Variants in GRB10 observed in about 807,000 individuals in gnomAD.
GRB10 encodes growth factor receptor-bound protein 10.
Under a neutral mutation model 80.9 loss-of-function variants are expected in GRB10, and 20 were observed. The ratio of observed to expected loss-of-function variants is 0.25; its 90% CI spans 0.17 to 0.36. The LOEUF is 0.36. Among genes scored for constraint, GRB10 ranks in the 10% least tolerant of loss-of-function variants. The pLI, the probability that GRB10 is intolerant of heterozygous loss-of-function variation, is 1.00. For synonymous variants in GRB10, 291 were observed against 291.5 expected, an observed-to-expected ratio of 1.00 and a Z score of 0.02; for missense variants, 548 against 747.7, an observed-to-expected ratio of 0.73 and a Z score of 3.12.
intron 7 of GRB10, among the ~76,000 whole-genome samples, chr7:50,653,000 G>C (rs1404108105): frequency 6.6e-6 from 1 of 152,166 alleles, no homozygotes; most frequent in African/African-American, 2.4e-5. Context: ...GAATCTTACT[G>C]GAATACAATG....
At chr7:50,683,886 CA>C (rs2061812244) in intron 5 of GRB10, among the ~76,000 whole-genome samples, 1 of 152,014 alleles carries the variant, frequency 6.6e-6, no homozygotes, top group Non-Finnish European at 1.5e-5. Flanking sequence ...CAGGTGATGC[CA>C]AGCAGATTGG....
chr7:50,679,983 A>G lies in GRB10; in HGVS notation c.140-5325T>C, dbSNP rs1031026516. Among the ~76,000 whole-genome samples the G allele has an allele frequency of 2.0e-5, 3 of 152,240 alleles. No homozygotes were observed. In the East Asian group the frequency reaches 5.8e-4, roughly 29 times the overall value. ...TCTTCTATTCTCATGTATTCTAGTC[A>G]CATGCACTTAATTTCCCATATATAG... On this transcript the variant is annotated intron_variant, in intron 5 of 18. Coordinates refer to ENST00000401949, the MANE Select transcript of GRB10 (RefSeq NM_001350814.2).
At chr7:50,792,445 A>G in intron 1 of GRB10, 1 of 398,584 alleles carries the variant, frequency 2.5e-6, no homozygotes, top group Non-Finnish European at 4.4e-6. Flanking sequence ...AGGATACCCT[A>G]ATTTCCATAA....
intron 3 of GRB10, among the ~76,000 whole-genome samples, chr7:50,743,052 G>A (rs1027630758): frequency 1.3e-5 from 2 of 152,070 alleles, no homozygotes; most frequent in Non-Finnish European, 2.9e-5. Context: ...TAACTCTTGG[G>A]TTTTTTGGCA....
At chr7:50,627,639 G>A (rs976100921) in intron 7 of GRB10, among the ~76,000 whole-genome samples, 2 of 152,200 alleles carry the variant, frequency 1.3e-5, no homozygotes, top group Non-Finnish European at 2.9e-5. Context: ...CATGAACACC[G>A]AGCAGCTCCA....
At chr7:50,776,411 A>C (rs1228568745) in intron 2 of GRB10, among the ~76,000 whole-genome samples, 1 of 151,682 alleles carries the variant, frequency 6.6e-6, no homozygotes, top group Non-Finnish European at 1.5e-5. Context: ...AGTAGAGATA[A>C]GGTCTCATTA....
chr7:50,687,530 G>A (rs1002287881), intron 5 of GRB10, among the ~76,000 whole-genome samples: 4 of 151,892 alleles, frequency 2.6e-5, no homozygotes, highest in African/African-American at 9.7e-5. Context: ...TTGCATGCAC[G>A]CTTCCCACAT....
At chr7:50,758,183 C>T (rs572554369) in intron 2 of GRB10, among the ~76,000 whole-genome samples, 1 of 152,308 alleles carries the variant, frequency 6.6e-6, no homozygotes, top group East Asian at 1.9e-4. Context: ...AACACAACCT[C>T]TCGGCTCTGT....
chr7:50,627,389 T>A (rs186631725), intron 7 of GRB10, among the ~76,000 whole-genome samples: 1 of 152,224 alleles, frequency 6.6e-6, no homozygotes, highest in East Asian at 1.9e-4. Flanking sequence ...CCTGTAAATC[T>A]CCCTCTTCCC....
chr7:50,705,081 C>G (rs2064845708), intron 4 of GRB10: 1 of 919,590 alleles, frequency 1.1e-6, no homozygotes, highest in Non-Finnish European at 1.3e-6. Context: ...GCCCAGAGCC[C>G]TCCTTGCTCA....
In GRB10 at chr7:50,775,421, C is replaced by T. The variant is rs375616598; in HGVS notation, c.-217+5206G>A. Among the ~76,000 whole-genome samples the T allele has an allele frequency of 1.2e-4, 18 of 152,292 alleles. No individual in the cohort carries two copies. The East Asian group carries it at 3.5e-3, about 29-fold the overall frequency. On this transcript the variant is annotated intron_variant, in intron 2 of 18. Transcript: ENST00000401949. Reference sequence around the variant, plus strand: ...CAACTGCTGGGCACAGCCCTCATAGCAGCTCTCACAGGTTGCAGTTGGGTA... The same window carrying T: ...CAACTGCTGGGCACAGCCCTCATAGTAGCTCTCACAGGTTGCAGTTGGGTA...
chr7:50,705,687 T>G (rs557915173), intron 4 of GRB10, among the ~76,000 whole-genome samples: 6 of 152,190 alleles, frequency 3.9e-5, no homozygotes, highest in South Asian at 2.1e-4. Context: ...GTTTTTGAAA[T>G]TTTTCAGGCC....
At chr7:50,704,252 G>A (rs746645668) in intron 4 of GRB10, among the ~76,000 whole-genome samples, 3 of 152,172 alleles carry the variant, frequency 2.0e-5, no homozygotes, top group Non-Finnish European at 2.9e-5. Flanking sequence ...TGCATTTTCT[G>A]TAACAACTAC....
chr7:50,687,017 C>T (rs2062178690), intron 5 of GRB10, among the ~76,000 whole-genome samples: 1 of 152,170 alleles, frequency 6.6e-6, no homozygotes, highest in African/African-American at 2.4e-5. Flanking sequence ...CTGAGTCTGG[C>T]ACACAGCAGG....
At chr7:50,675,208 C>T (rs1019621993) in intron 5 of GRB10, among the ~76,000 whole-genome samples, 2 of 152,244 alleles carry the variant, frequency 1.3e-5, no homozygotes, top group African/African-American at 4.8e-5. Flanking sequence ...ACAACACATG[C>T]CTGAGGGCTT....
chr7:50,777,713 C>T lies in GRB10; in HGVS notation c.-217+2914G>A, dbSNP rs1052902302. Among the ~76,000 whole-genome samples, 17 of 152,186 alleles carry T rather than the reference C, an allele frequency of 1.1e-4. No individual in the cohort carries two copies. The East Asian group carries it at 1.7e-3, about 16-fold the overall frequency. On this transcript the variant is annotated intron_variant, in intron 2 of 18. Transcript: ENST00000401949. ...GGATAAAGAAAATGTGGTACATATACACCGTGGAATACTATGCAGCCACAA... is the reference window on the plus strand; with the variant it reads ...GGATAAAGAAAATGTGGTACATATATACCGTGGAATACTATGCAGCCACAA...
intron 2 of GRB10, among the ~76,000 whole-genome samples, chr7:50,768,481 A>G (rs1057427057): frequency 2.0e-5 from 3 of 152,046 alleles, no homozygotes; most frequent in Non-Finnish European, 4.4e-5. Context: ...AATCACCTCT[A>G]TGTTTCCCCT....
chr7:50,682,949 T>C (rs1042271865), intron 5 of GRB10, among the ~76,000 whole-genome samples: 2 of 152,232 alleles, frequency 1.3e-5, no homozygotes, highest in African/African-American at 4.8e-5. Context: ...TCTTTCTTTG[T>C]TCTATTTTTA....
At chr7:50,760,009 C>T (rs747530277) in intron 2 of GRB10, among the ~76,000 whole-genome samples, 1 of 152,222 alleles carries the variant, frequency 6.6e-6, no homozygotes, top group Non-Finnish European at 1.5e-5. Flanking sequence ...GCAGGACCAA[C>T]AGGCCCAATA....
Sources: allele counts gnomAD v4.1 joint callset (sites outside exome capture counted in the v4.1 genomes callset), GRCh38; gene constraint gnomAD v4.1.1; transcripts MANE v1.5; gene names NCBI Gene and HGNC (gene_info 2026-07-23, HGNC 2026-07-21).